The following PRKCH variants were observed in gnomAD, a reference collection of about 807,000 sequenced individuals.
The protein encoded by PRKCH is protein kinase C eta type.
PRKCH carries 28 observed loss-of-function variants against 82.5 expected under a neutral mutation model. The ratio of observed to expected loss-of-function variants is 0.34; its 90% CI spans 0.25 to 0.47. The LOEUF (loss-of-function observed/expected upper bound fraction) is 0.47, where lower values mean the gene tolerates loss of function less well. Among genes scored for constraint, PRKCH ranks in the 20% least tolerant of loss-of-function variants. PRKCH has a pLI of 1.00. For synonymous variants in PRKCH, 322 were observed against 327.4 expected, an observed-to-expected ratio of 0.98 and a Z score of 0.18; for missense variants, 705 against 881.8, an observed-to-expected ratio of 0.80 and a Z score of 2.54.
chr14:61,504,623 GTA>G (rs1887059112), intron 10 of PRKCH, among the ~76,000 whole-genome samples: 1 of 152,182 alleles, frequency 6.6e-6, no homozygotes, highest in Admixed American at 6.5e-5. Context: ...GGGTCCCTCT[GTA>G]GGAGGGGAAT....
chr14:61,313,912 A>C (rs919662676), intron 1 of PRKCH, among the ~76,000 whole-genome samples: 1 of 152,292 alleles, frequency 6.6e-6, no homozygotes, highest in East Asian at 1.9e-4. Context: ...ACACAGCCAA[A>C]CCACATCACG....
At chr14:61,543,796 A>G (rs769313722) in intron 12 of PRKCH, 1 of 152,246 alleles carries the variant, frequency 6.6e-6, no homozygotes, top group Non-Finnish European at 1.5e-5. Flanking sequence ...TGCTGTCACC[A>G]TTCACAGCAG....
intron 2 of PRKCH, among the ~76,000 whole-genome samples, chr14:61,408,078 G>A (rs1438487402): frequency 6.6e-6 from 1 of 152,150 alleles, no homozygotes. Context: ...CAGTGGCCTT[G>A]GGGGAGACTT....
Position 61,211,717 on chromosome 14 carries a change from C to T in PRKCH, c.-19+24049C>T, listed in dbSNP as rs187194797. Among the ~76,000 whole-genome samples the T allele has an allele frequency of 8.3e-4, 126 of 152,256 alleles. 1 individual carries two copies. The highest frequency in any genetic ancestry group is 2.4e-3 in the Admixed American group (36 of 15,292). On this transcript the variant is annotated intron_variant, in intron 1 of 3. Coordinates refer to the PRKCH transcript ENST00000555185. ...CTCCTCACCCGCTTAATTGCTTCTC[C>T]GCTGTGGCTCCTAAACTGCCAAGTG... is the stretch of plus-strand genomic sequence containing the variant.
chr14:61,490,145 T>C (rs745897200), intron 10 of PRKCH, among the ~76,000 whole-genome samples: 12 of 152,190 alleles, frequency 7.9e-5, no homozygotes, highest in Admixed American at 2.0e-4. Flanking sequence ...GTGTTTACCC[T>C]GAAAGCTCCA....
chr14:61,432,581 T>A (rs1883459223), intron 2 of PRKCH, among the ~76,000 whole-genome samples: 1 of 152,206 alleles, frequency 6.6e-6, no homozygotes, highest in Non-Finnish European at 1.5e-5. Flanking sequence ...GCAGTCCTCC[T>A]GCCTTGGCCT....
At chr14:61,433,042 T>TA (rs1566879326) in intron 2 of PRKCH, among the ~76,000 whole-genome samples, 2 of 23,468 alleles carry the variant, frequency 8.5e-5, no homozygotes, top group African/African-American at 2.3e-4. Flanking sequence ...CCCAACCTCT[T>TA]CAAAAAAAAA....
chr14:61,263,880 TG>T (rs2045072703), intron 1 of PRKCH, among the ~76,000 whole-genome samples: 1 of 149,704 alleles, frequency 6.7e-6, no homozygotes, highest in African/African-American at 2.5e-5. Context: ...TGTGTGTGTG[TG>T]TGTGTGTGTG....
chr14:61,474,670 C>G (rs1040579771), intron 9 of PRKCH, among the ~76,000 whole-genome samples: 1 of 152,068 alleles, frequency 6.6e-6, no homozygotes, highest in South Asian at 2.1e-4. Context: ...CAAACCTGCA[C>G]GTTGTGCACA....
chr14:61,256,511 A>T (rs1443883270), intron 1 of PRKCH, among the ~76,000 whole-genome samples: 4 of 152,032 alleles, frequency 2.6e-5, no homozygotes, highest in Admixed American at 1.3e-4. Context: ...TGGCTTTTTG[A>T]TCCTGAAAAA....
intron 10 of PRKCH, among the ~76,000 whole-genome samples, chr14:61,506,350 C>T (rs1476640585): frequency 1.3e-5 from 2 of 152,078 alleles, no homozygotes; most frequent in South Asian, 2.1e-4. Context: ...CTTCGGTGCA[C>T]CAAGCAGGCC....
At chr14:61,412,371 T>C (rs948368797) in intron 2 of PRKCH, among the ~76,000 whole-genome samples, 11 of 152,104 alleles carry the variant, frequency 7.2e-5, no homozygotes, top group Non-Finnish European at 8.8e-5. Flanking sequence ...AAGACCCCAA[T>C]TGGATTTGAA....
intron 1 of PRKCH, among the ~76,000 whole-genome samples, chr14:61,212,621 A>C (rs2044591248): frequency 6.6e-6 from 1 of 152,186 alleles, no homozygotes; most frequent in Admixed American, 6.5e-5. Context: ...GTGGTGATAC[A>C]GTCATCTGAA....
chr14:61,348,332 T>C (rs2046023914), intron 1 of PRKCH, among the ~76,000 whole-genome samples: 1 of 152,040 alleles, frequency 6.6e-6, no homozygotes, highest in Non-Finnish European at 1.5e-5. Flanking sequence ...TTTGAATGAA[T>C]AGAAGGAAAA....
At chr14:61,190,322 C>T (rs1302098116) in intron 1 of PRKCH, among the ~76,000 whole-genome samples, 2 of 152,176 alleles carry the variant, frequency 1.3e-5, no homozygotes, top group Non-Finnish European at 2.9e-5. Context: ...CAGGTCTTCA[C>T]AGTCCTTCGA....
At chr14:61,425,357 A>G (rs868415017) in intron 2 of PRKCH, among the ~76,000 whole-genome samples, 1 of 152,232 alleles carries the variant, frequency 6.6e-6, no homozygotes, top group Non-Finnish European at 1.5e-5. Flanking sequence ...GAGCTGCCCA[A>G]GGCTATGGGA....
chr14:61,481,451 G>T (rs577762949), intron 9 of PRKCH, among the ~76,000 whole-genome samples: 1 of 152,154 alleles, frequency 6.6e-6, no homozygotes, highest in African/African-American at 2.4e-5. Flanking sequence ...GGGCAACAAG[G>T]ATGCAACAAT....
At chr14:61,412,723 C>T (rs540356085) in intron 2 of PRKCH, among the ~76,000 whole-genome samples, 1 of 152,304 alleles carries the variant, frequency 6.6e-6, no homozygotes, top group South Asian at 2.1e-4. Flanking sequence ...GTTGGTTTCT[C>T]AGCAATTCTA....
intron 1 of PRKCH, among the ~76,000 whole-genome samples, chr14:61,209,583 A>G (rs1232783656): frequency 2.6e-5 from 4 of 152,202 alleles, no homozygotes; most frequent in African/African-American, 9.6e-5. Flanking sequence ...TTCAAATTAC[A>G]GAATGTCAGA....
Sources: gnomAD v4.1 joint callset for allele counts (sites outside exome capture counted in the v4.1 genomes callset) on GRCh38, gnomAD v4.1.1 for gene constraint, MANE v1.5 for transcripts, NCBI Gene and HGNC (gene_info 2026-07-23, HGNC 2026-07-21) for gene names.